The following ELOVL6 variants were observed in gnomAD, a reference collection of about 807,000 sequenced individuals.
ELOVL6 encodes the protein ELOVL fatty acid elongase 6, also known as very long chain fatty acid elongase 6.
A neutral mutation model predicts 31.7 loss-of-function variants in ELOVL6; 8 were observed. The observed-to-expected ratio is 0.25, with a 90% CI of 0.15 to 0.45. The LOEUF (loss-of-function observed/expected upper bound fraction) is 0.45. ELOVL6 is among the 20% of genes least tolerant of loss of function. The pLI is 1.00. For synonymous variants in ELOVL6, 101 were observed against 117.7 expected, an observed-to-expected ratio of 0.86 and a Z score of 0.92; for missense variants, 126 against 326.4, an observed-to-expected ratio of 0.39 and a Z score of 4.73.
At chr4:110,146,874 C>T (rs559097603) in intron 1 of ELOVL6, 6 of 152,468 alleles carry the variant, frequency 3.9e-5, no homozygotes, top group African/African-American at 1.4e-4. Context: ...CCTGTAATCT[C>T]AGCTACTCAG....
chr4:110,121,605 A>C (rs111227024), intron 1 of ELOVL6, among the ~76,000 whole-genome samples: 12,917 of 152,220 alleles, frequency 0.085, 731 homozygotes, highest in Middle Eastern at 0.13. Flanking sequence ...AGGCTGAGGC[A>C]GGAGAATGGC....
intron 1 of ELOVL6, among the ~76,000 whole-genome samples, chr4:110,135,632 A>G (rs1757790052): frequency 6.6e-6 from 1 of 152,196 alleles, no homozygotes; most frequent in African/African-American, 2.4e-5. Context: ...TAAGAAGCCA[A>G]TCAGCAGACG....
chr4:110,078,357 C>A (rs953363812), intron 2 of ELOVL6, among the ~76,000 whole-genome samples: 2 of 152,150 alleles, frequency 1.3e-5, no homozygotes, highest in Admixed American at 6.5e-5. Context: ...GGGTTATCCA[C>A]GAAGGGAAGC....
intron 1 of ELOVL6, among the ~76,000 whole-genome samples, chr4:110,108,276 T>C (rs1194029080): frequency 6.6e-6 from 1 of 152,206 alleles, no homozygotes; most frequent in Admixed American, 6.5e-5. Flanking sequence ...CTGATTATGG[T>C]TGTATTAACT....
At chr4:110,180,568 T>C (rs1192596731) in intron 1 of ELOVL6, among the ~76,000 whole-genome samples, 1 of 152,138 alleles carries the variant, frequency 6.6e-6, no homozygotes, top group Admixed American at 6.6e-5. Flanking sequence ...TCTTTTTATT[T>C]TTATTTTTTT....
Position 110,160,328 on chromosome 4 carries a change from C to T in ELOVL6, c.89+37919G>A, listed in dbSNP as rs531903308. Among the ~76,000 whole-genome samples the T allele has an allele frequency of 2.0e-5, 3 of 152,268 alleles. No homozygotes were observed. In the East Asian group the frequency reaches 5.8e-4, roughly 29 times the overall value. ...TATAGCCTTTGCTCAATATTGTTTT[C>T]CTGAACATCCCTGCAAAATTATATC... On this transcript the variant is annotated intron_variant, in intron 1 of 3. Coordinates refer to ENST00000302274, the MANE Select transcript of ELOVL6 (RefSeq NM_024090.3).
At chr4:110,058,507 C>T (rs11098067) in intron 3 of ELOVL6, among the ~76,000 whole-genome samples, 4,449 of 152,138 alleles carry the variant, frequency 0.029, 249 homozygotes, top group East Asian at 0.16. Flanking sequence ...GCTGGGTTGC[C>T]GGCCCACACA....
At chr4:110,104,445 G>C (rs1265042058) in intron 2 of ELOVL6, among the ~76,000 whole-genome samples, 2 of 151,974 alleles carry the variant, frequency 1.3e-5, no homozygotes, top group African/African-American at 2.4e-5. Context: ...TTAGATGGAG[G>C]GATCCAACAT....
At position 110,139,960 on chromosome 4, in the gene ELOVL6, G is replaced by A. The variant is rs77644519; in HGVS notation, c.90-34332C>T. On this transcript the variant is annotated intron_variant, in intron 1 of 3. Coordinates refer to ENST00000302274, the MANE Select transcript of ELOVL6 (RefSeq NM_024090.3). Reference sequence around the variant, plus strand: ...TAGTCATTAAGCACCATCAGGGACGGATGGCTGTGTCACTGGTCTGTTTGG... The same window carrying A: ...TAGTCATTAAGCACCATCAGGGACGAATGGCTGTGTCACTGGTCTGTTTGG... Among the ~76,000 whole-genome samples the A allele has an allele frequency of 3.7e-3, 570 of 152,284 alleles. 1 individual carries two copies. The highest frequency in any genetic ancestry group is 0.011 in the African/African-American group (465 of 41,564).
At chr4:110,145,163 A>C (rs568686982) in intron 1 of ELOVL6, among the ~76,000 whole-genome samples, 1 of 151,954 alleles carries the variant, frequency 6.6e-6, no homozygotes, top group Non-Finnish European at 1.5e-5. Flanking sequence ...GAGAGTGAGA[A>C]AGAAGCTGTG....
rs1754715068 is a variant in ELOVL6, at chr4:110,047,152, A to G, written c.*4186T>C. The G allele has an allele frequency of 6.6e-6, 1 of 152,152 alleles. No homozygotes were observed. The highest frequency in any genetic ancestry group is 2.4e-5 in the African/African-American group (1 of 41,440). 9.4% of individuals were successfully genotyped at this position (152,152 alleles called of 1,614,324 possible). ...GGTGCTTATAAAATTTTGACATGAT[A>G]TTATTTTTCATGATGGAAACTTTTA... On this transcript the variant is annotated 3_prime_UTR_variant, in exon 4 of 4. Transcript: ENST00000302274.
At chr4:110,084,113 T>TATTTACATGTTATATATG (rs1560814053) in intron 2 of ELOVL6, among the ~76,000 whole-genome samples, 1 of 76,942 alleles carries the variant, frequency 1.3e-5, no homozygotes, top group Admixed American at 1.5e-4. Flanking sequence ...ATATATATGA[T>TATTTACATGTTATATATG]ATATATAACA....
intron 1 of ELOVL6, among the ~76,000 whole-genome samples, chr4:110,186,823 ATATAT>A (rs1293453629): frequency 8.1e-5 from 3 of 36,822 alleles, no homozygotes; most frequent in Non-Finnish European, 1.9e-4. Context: ...AAAAAAAAAA[ATATAT>A]ATATATATAT....
intron 1 of ELOVL6, among the ~76,000 whole-genome samples, chr4:110,149,905 T>C (rs1474894657): frequency 6.6e-6 from 1 of 152,238 alleles, no homozygotes; most frequent in Non-Finnish European, 1.5e-5. Flanking sequence ...CTATAGATTT[T>C]TGAGAGCGTA....
rs1228107809 is a variant in ELOVL6 at position 110,158,691 on chromosome 4, G to A, written c.89+39556C>T. ...TTTTTTTTTTTTGAGACAGAATTTC[G>A]CTCTTGTTGCCCAGGCTGGAGTGCA... On this transcript the variant is annotated intron_variant, in intron 1 of 3. Transcript: ENST00000302274. Among the ~76,000 whole-genome samples the A allele has an allele frequency of 2.1e-4, 17 of 82,214 alleles. No individual in the cohort carries two copies. The East Asian group carries it at 4.0e-3, about 19-fold the overall frequency. 53.9% of individuals were successfully genotyped at this position (82,214 alleles called of 152,430 possible).
chr4:110,090,596 C>CTTCCTTTTTT (rs1206850406), intron 2 of ELOVL6, among the ~76,000 whole-genome samples: 4 of 82,558 alleles, frequency 4.8e-5, no homozygotes, highest in East Asian at 3.9e-4. Flanking sequence ...GAAAGTTTGA[C>CTTCCTTTTTT]TTTCTTTTTT....
chr4:110,120,802 T>C (rs906485059), intron 1 of ELOVL6, among the ~76,000 whole-genome samples: 1,554 of 141,332 alleles, frequency 0.011, 27 homozygotes, highest in African/African-American at 0.037. Flanking sequence ...TCTTTTCTTT[T>C]TTTTTTTTTT....
At chr4:110,146,120 A>C (rs1197904025) in intron 1 of ELOVL6, among the ~76,000 whole-genome samples, 1 of 152,222 alleles carries the variant, frequency 6.6e-6, no homozygotes, top group Non-Finnish European at 1.5e-5. Context: ...TAATCAAAAC[A>C]GCATGGTACT....
rs186979633 is a variant in ELOVL6, at chr4:110,169,807, C to A, written c.89+28440G>T. Reference sequence around the variant, plus strand: ...ATATTTAGTTTTCTTTTCTTTCTTTCTTTTTTTTTTTTTTTGAGATGGAGT... The same window carrying A: ...ATATTTAGTTTTCTTTTCTTTCTTTATTTTTTTTTTTTTTTGAGATGGAGT... On this transcript the variant is annotated intron_variant, in intron 1 of 3. Coordinates refer to ENST00000302274, the MANE Select transcript of ELOVL6 (RefSeq NM_024090.3). Among the ~76,000 whole-genome samples, 1,099 of 136,620 alleles carry A rather than the reference C, an allele frequency of 8.0e-3. 6 individuals carry two copies. Among genetic ancestry groups the A allele is most frequent in the South Asian group, 0.013 (58 of 4,330 alleles). The allele number at this position is 136,620 out of a possible 152,430, so 89.6% of individuals were successfully genotyped here.
Sources: allele counts gnomAD v4.1 joint callset (sites outside exome capture counted in the v4.1 genomes callset), GRCh38; gene constraint gnomAD v4.1.1; transcripts MANE v1.5; gene names NCBI Gene and HGNC (gene_info 2026-07-23, HGNC 2026-07-21).